PGAM2: variants seen among roughly 807,000 people sequenced by gnomAD.
PGAM2 encodes phosphoglycerate mutase 2.
PGAM2 carries 23 observed loss-of-function variants against 22.5 expected under a neutral mutation model. That is an observed-to-expected ratio of 1.02 (90% confidence interval 0.74 to 1.45). The LOEUF (loss-of-function observed/expected upper bound fraction) is 1.45, where lower values mean the gene tolerates loss of function less well. Among genes scored for constraint, PGAM2 ranks in the 40% most tolerant of loss-of-function variants. The probability of loss-of-function intolerance (pLI) is 0.00; values close to 1 mark genes in which losing one functional copy is unlikely to be tolerated. For missense variants in PGAM2, 349 were observed against 356.2 expected (o/e 0.98, Z 0.16); for synonymous variants, 133 against 138.6 (o/e 0.96, Z 0.29).
chr7:44,064,806 G>GCC, intron 2 of PGAM2, 26 bp downstream of exon 2: 10 of 787,410 alleles, frequency 1.3e-5, no homozygotes, highest in East Asian at 4.3e-5. Context: ...CACCCACCCT[G>GCC]CCCAGGCTCC....
intron 2 of PGAM2, chr7:44,064,336 T>G (rs966696220): frequency 5.0e-6 from 1 of 199,008 alleles, no homozygotes; most frequent in Non-Finnish European, 1.0e-5. Flanking sequence ...CAGAGGGAGA[T>G]AGGTGGTGAA....
chr7:44,064,935 C>T lies in PGAM2; in HGVS notation c.492G>A (p.Leu164=). The T allele has an allele frequency of 1.2e-6, 2 of 1,610,336 alleles. No individual in the cohort carries two copies. Among genetic ancestry groups the T allele is most frequent in the South Asian group, 1.1e-5 (1 of 90,802 alleles). The change falls in exon 2 of 3, where the codon CTG becomes CTA. Residue 164 remains leucine (L), a synonymous_variant. Transcript: ENST00000297283. ...ESLKDTIARA[L]PFWNEEIVPQ... is the part of the protein sequence containing the mutation. ...GAACAATCTCCTCGTTCCAGAAGGG[C>T]AGGGCCCGGGCAATGGTGTCCTTGA...
intron 2 of PGAM2, 21 bp downstream of exon 2, chr7:44,064,811 G>T: frequency 6.3e-6 from 4 of 635,910 alleles, no homozygotes; most frequent in Non-Finnish European, 1.1e-5. Context: ...ACCCTGCCCA[G>T]GCTCCTGAAG....
chr7:44,062,966 G>A (rs763322060), intron 2 of PGAM2, 36 bp from the exon 3 acceptor site: 13 of 1,610,892 alleles, frequency 8.1e-6, no homozygotes, highest in Admixed American at 3.3e-5. Context: ...TAGCCCCTCT[G>A]TCCCCAGCCT....
At position 44,062,867 on chromosome 7, in the gene PGAM2, A is replaced by G; in HGVS notation, c.659T>C (p.Leu220Pro). 6.2e-7 allele frequency: 1 copy of G among 1,614,162 alleles called. No individual in the cohort carries two copies. Among genetic ancestry groups the G allele is most frequent in the Non-Finnish European group, 8.5e-7 (1 of 1,180,016 alleles). The change falls in exon 3 of 3, where the codon CTG (leucine) becomes CCG (proline). Residue 220 changes from leucine to proline, a missense_variant. Leu to Pro is a moderately conservative substitution (Grantham distance 98). Coordinates refer to ENST00000297283, the MANE Select transcript of PGAM2 (RefSeq NM_000290.4). ...LPTGIPIVYE[L>P]NKELKPTKPM... is the part of the protein sequence containing the mutation. ...CTTGGTGGGCTTCAGCTCCTTGTTC[A>G]GCTCATACACAATGGGGATCCCCGT...
At position 44,065,384 on chromosome 7, in the gene PGAM2, T is replaced by C; in HGVS notation, c.146A>G (p.Lys49Arg). 2 of 1,614,104 alleles carry C rather than the reference T, an allele frequency of 1.2e-6. No homozygotes were observed. Among genetic ancestry groups the C allele is most frequent in the East Asian group, 2.2e-5 (1 of 44,890 alleles). The change falls in exon 1 of 3, where the codon AAG becomes AGG. Residue 49 changes from lysine to arginine, a missense_variant. By Grantham distance (26) the Lys-to-Arg change is conservative. Transcript: ENST00000297283. ...CGTGTAGCAGATGTCAAACTCCATC[T>C]TGGCATCCTTGATGGCCTTGGCTCC... ...KRGAKAIKDA[K>R]MEFDICYTSV...
intron 2 of PGAM2, 158 bp downstream of exon 2, chr7:44,064,674 A>G (rs1007389491): frequency 7.1e-6 from 5 of 699,670 alleles, no homozygotes; most frequent in Non-Finnish European, 1.2e-5. Flanking sequence ...AAATTTCACA[A>G]AACTAAAAAA....
chr7:44,063,514 A>C (rs2096153135), intron 2 of PGAM2: 1 of 172,662 alleles, frequency 5.8e-6, no homozygotes, highest in East Asian at 1.5e-4. Context: ...TCCTGACCTC[A>C]GGTGATCTGC....
chr7:44,065,055 GC>G, intron 1 of PGAM2, 43 bp from the exon 2 acceptor site: 2 of 1,609,530 alleles, frequency 1.2e-6, no homozygotes. Flanking sequence ...AAGCCAGTGG[GC>G]CCCCACCCGA....
intron 2 of PGAM2, 100 bp downstream of exon 2, chr7:44,064,732 C>T (rs1178412623): frequency 3.7e-6 from 4 of 1,072,286 alleles, no homozygotes; most frequent in Middle Eastern, 2.9e-4. Context: ...AGCCCCACGC[C>T]TAGAAAGCCT....
Position 44,065,422 on chromosome 7 carries a change from C to A in PGAM2, c.108G>T (p.Glu36Asp), listed in dbSNP as rs2096157997. Reference sequence around the variant, plus strand: ...TGGCCTTGGCTCCCCGCTTGGCCTCCTCGGTCCCCTTTTCACTCAGCTCTG... The same window carrying A: ...TGGCCTTGGCTCCCCGCTTGGCCTCATCGGTCCCCTTTTCACTCAGCTCTG... ...FDAELSEKGTEEAKRGAKAIK... is the reference protein window; with the variant it reads ...FDAELSEKGTDEAKRGAKAIK... The change falls in exon 1 of 3, where the codon GAG becomes GAT. Residue 36 changes from glutamate (E) to aspartate (D), a missense_variant. Transcript: ENST00000297283. The A allele has an allele frequency of 1.2e-6, 2 of 1,614,068 alleles. No homozygotes were observed. Among genetic ancestry groups the A allele is most frequent in the African/African-American group, 2.7e-5 (2 of 74,950 alleles).
chr7:44,064,614 G>C, intron 2 of PGAM2: 2 of 585,190 alleles, frequency 3.4e-6, no homozygotes, highest in South Asian at 2.0e-5. Flanking sequence ...AGCGAGCTTC[G>C]AGTGCAGTCA....
Position 44,065,213 on chromosome 7 carries a change from T to G in PGAM2, c.317A>C (p.Lys106Thr). 1 of 1,614,074 alleles carries G rather than the reference T, an allele frequency of 6.2e-7. No individual in the cohort carries two copies. Among genetic ancestry groups the G allele is most frequent in the Non-Finnish European group, 8.5e-7 (1 of 1,180,038 alleles). Residue 106 changes from lysine to threonine, a missense_variant, in exon 1 of 3, where the codon AAG (lysine) becomes ACG (threonine). Coordinates refer to ENST00000297283, the MANE Select transcript of PGAM2 (RefSeq NM_000290.4). Reference sequence around the variant, plus strand: ...GATCTTCACCTGCTCCTCCCCGTGCTTGGCGGCCGTTTCTGCCTTGTTGAG... The same window carrying G: ...GATCTTCACCTGCTCCTCCCCGTGCGTGGCGGCCGTTTCTGCCTTGTTGAG... ...TGLNKAETAA[K>T]HGEEQVKIWR...
intron 2 of PGAM2, 134 bp downstream of exon 2, chr7:44,064,698 C>G: frequency 1.2e-6 from 1 of 814,102 alleles, no homozygotes; most frequent in South Asian, 1.6e-5. Context: ...CTTCTCAGCC[C>G]TCCTTTTTCA....
chr7:44,065,401 C>T lies in PGAM2; in HGVS notation c.129G>A (p.Lys43=). ...KGTEEAKRGA[K]AIKDAKMEFD... Reference sequence around the variant, plus strand: ...ACTCCATCTTGGCATCCTTGATGGCCTTGGCTCCCCGCTTGGCCTCCTCGG... The same window carrying T: ...ACTCCATCTTGGCATCCTTGATGGCTTTGGCTCCCCGCTTGGCCTCCTCGG... Residue 43 remains lysine (K), a synonymous_variant, in exon 1 of 3, where the codon AAG becomes AAA. Transcript: ENST00000297283. The T allele has an allele frequency of 6.2e-7, 1 of 1,614,132 alleles. No homozygotes were observed. The highest frequency in any genetic ancestry group is 8.5e-7 in the Non-Finnish European group (1 of 1,180,044).
In PGAM2 at chr7:44,065,509, C is replaced by T; in HGVS notation, c.21G>A (p.Val7=). MATHRL[V]MVRHGESTWN... is the part of the protein sequence containing the mutation. ...ATGTGCTCTCGCCGTGCCGGACCAT[C>T]ACGAGGCGGTGAGTGGCCATGGTGG... Residue 7 remains valine (V), a synonymous_variant, in exon 1 of 3, where the codon GTG becomes GTA. Transcript: ENST00000297283. The T allele has an allele frequency of 3.7e-6, 6 of 1,614,084 alleles. No homozygotes were observed. The highest frequency in any genetic ancestry group is 5.1e-6 in the Non-Finnish European group (6 of 1,180,050).
In PGAM2 at chr7:44,064,842, C is replaced by T. The variant is rs2096156165; in HGVS notation, c.585G>A (p.Lys195=). Residue 195 remains lysine (K), a synonymous_variant, in exon 2 of 3, where the codon AAG becomes AAA. Coordinates refer to ENST00000297283, the MANE Select transcript of PGAM2 (RefSeq NM_000290.4). ...AHGNSLRGIV[K]HLEGMSDQAI... ...TGAAGGTGGCCTCACCTTCCAGGTG[C>T]TTGACAATGCCCCGCAGGCTGTTCC... 1.5e-6 allele frequency: 2 copies of T among 1,298,578 alleles called. No individual in the cohort carries two copies. Among genetic ancestry groups the T allele is most frequent in the Non-Finnish European group, 1.0e-6 (1 of 967,218 alleles). 80.4% of individuals were successfully genotyped at this position (1,298,578 alleles called of 1,614,324 possible). A position where few individuals can be genotyped will look rare whatever the true frequency, so the allele number is the denominator to read the frequency against.
Position 44,065,313 on chromosome 7 carries a change from C to G in PGAM2, c.217G>C (p.Gly73Arg). Residue 73 changes from glycine (G) to arginine (R), a missense_variant, in exon 1 of 3, where the codon GGC becomes CGC. Transcript: ENST00000297283. The part of the protein sequence containing the change: ...AIRTLWAILD[G>R]TDQMWLPVVR... The stretch of plus-strand genomic sequence containing the variant: ...ACAGGCAGCCACATCTGGTCCGTGC[C>G]GTCCAGGATGGCCCAGAGGGTGCGG... 1.2e-6 allele frequency: 2 copies of G among 1,613,704 alleles called. No homozygotes were observed. The highest frequency in any genetic ancestry group is 1.7e-6 in the Non-Finnish European group (2 of 1,180,038).
At position 44,063,321 on chromosome 7, in the gene PGAM2, C is replaced by A. The variant is rs183455817; in HGVS notation, c.596-391G>T. On this transcript the variant is annotated intron_variant, in intron 2 of 2. Coordinates refer to ENST00000297283, the MANE Select transcript of PGAM2 (RefSeq NM_000290.4). ...TTTTTTGAGATGGAGTTTTACTCCTCTTGCCCAGGCTGGAGTGCAGTGGCA... is the reference window on the plus strand; with the variant it reads ...TTTTTTGAGATGGAGTTTTACTCCTATTGCCCAGGCTGGAGTGCAGTGGCA... 5.0e-4 allele frequency: 150 copies of A among 297,752 alleles called. No individual in the cohort carries two copies. In the East Asian group the frequency reaches 0.012, roughly 24 times the overall value. The allele number at this position is 297,752 out of a possible 1,614,324, so 18.4% of individuals were successfully genotyped here.
Sources: allele counts gnomAD v4.1 joint callset, GRCh38; gene constraint gnomAD v4.1.1; transcripts MANE v1.5; gene names NCBI Gene and HGNC (gene_info 2026-07-23, HGNC 2026-07-21).